Variants in TMEM80 observed in about 807,000 individuals in gnomAD.
The protein encoded by TMEM80 is transmembrane protein 80.
In TMEM80, 16 loss-of-function variants were observed where a neutral mutation model predicts 13.6. The observed-to-expected ratio is 1.17, with a 90% CI of 0.79 to 1.78. The LOEUF (loss-of-function observed/expected upper bound fraction) is 1.78. Ranked by LOEUF, TMEM80 falls within the 40% of genes most tolerant of loss-of-function variation. The pLI is 0.00. For synonymous variants in TMEM80, 92 were observed against 89.5 expected (o/e 1.03, Z -0.16); for missense variants, 167 against 184.6 (o/e 0.90, Z 0.55).
chr11:698,727 C>G, intron 1 of TMEM80, 142 bp from the exon 2 acceptor site: 572 of 937,266 alleles, frequency 6.1e-4, no homozygotes, highest in Admixed American at 2.5e-3. Flanking sequence ...TAGTGGCAGG[C>G]CCACGGTATA....
Position 703,877 on chromosome 11 carries a change from G to A in TMEM80, c.*727G>A. On this transcript the variant is annotated 3_prime_UTR_variant, in exon 5 of 5. Coordinates refer to ENST00000397510, the MANE Select transcript of TMEM80 (RefSeq NM_001042463.3). ...AGAGCAGCGGAGGGCCACATTCGGA[G>A]CCTCCGTCCACTCCAGTTTTATCAG... is the stretch of plus-strand genomic sequence containing the variant. 2 of 1,237,374 alleles carry A rather than the reference G, an allele frequency of 1.6e-6. No individual in the cohort carries two copies. Among genetic ancestry groups the A allele is most frequent in the African/African-American group, 1.5e-5 (1 of 64,574 alleles). 76.6% of individuals were successfully genotyped at this position (1,237,374 alleles called of 1,614,324 possible). A position where few individuals can be genotyped will look rare whatever the true frequency, so the allele number is the denominator to read the frequency against.
At position 704,064 on chromosome 11, in the gene TMEM80, C is replaced by T. The variant is rs1413348766; in HGVS notation, c.*914C>T. 4.4e-6 allele frequency: 5 copies of T among 1,138,206 alleles called. No homozygotes were observed. The highest frequency in any genetic ancestry group is 5.4e-6 in the Non-Finnish European group (5 of 926,098). 70.5% of individuals were successfully genotyped at this position (1,138,206 alleles called of 1,614,324 possible). A position where few individuals can be genotyped will look rare whatever the true frequency, so the allele number is the denominator to read the frequency against. ...TTTTCTATGTTTGGAATAATTACAC[C>T]CAAATATCTAGATATTTTCTCTTCA... On this transcript the variant is annotated 3_prime_UTR_variant, in exon 5 of 5. Coordinates refer to ENST00000397510, the MANE Select transcript of TMEM80 (RefSeq NM_001042463.3).
chr11:700,539 AAG>A (rs1861402754), intron 3 of TMEM80, 74 bp from the exon 4 acceptor site: 1 of 1,226,412 alleles, frequency 8.2e-7, no homozygotes, highest in Non-Finnish European at 1.2e-6. Context: ...AAAAAAAAAA[AAG>A]GAAAAGGCAA....
Position 703,225 on chromosome 11 carries a change from A to G in TMEM80, c.*75A>G. The G allele has an allele frequency of 1.3e-6, 2 of 1,488,206 alleles. No homozygotes were observed. The highest frequency in any genetic ancestry group is 1.8e-6 in the Non-Finnish European group (2 of 1,112,216). 92.2% of individuals were successfully genotyped at this position (1,488,206 alleles called of 1,614,324 possible). A position where few individuals can be genotyped will look rare whatever the true frequency, so the allele number is the denominator to read the frequency against. Reference sequence around the variant, plus strand: ...CCAGTCCCCCAGCTGTCACCTCCCCATTCCTGGACAGGAAGGGCACTTTTC... The same window carrying G: ...CCAGTCCCCCAGCTGTCACCTCCCCGTTCCTGGACAGGAAGGGCACTTTTC... On this transcript the variant is annotated 3_prime_UTR_variant, in exon 5 of 5. Coordinates refer to ENST00000397510, the MANE Select transcript of TMEM80 (RefSeq NM_001042463.3).
intron 4 of TMEM80, among the ~76,000 whole-genome samples, chr11:701,765 A>G (rs1292498953): frequency 6.6e-6 from 1 of 152,156 alleles, no homozygotes; most frequent in Non-Finnish European, 1.5e-5. Context: ...GGCTCAAGCA[A>G]TCTGCCCACC....
Position 703,821 on chromosome 11 carries a change from G to A in TMEM80, c.*671G>A, listed in dbSNP as rs1590040576. On this transcript the variant is annotated 3_prime_UTR_variant, in exon 5 of 5. Transcript: ENST00000397510. ...TCAGGGGCTTCGGAGGAGAGGTCAGGGCTAAGGCCGGGGATGAGACTGCAG... is the reference window on the plus strand; with the variant it reads ...TCAGGGGCTTCGGAGGAGAGGTCAGAGCTAAGGCCGGGGATGAGACTGCAG... 9.7e-6 allele frequency: 12 copies of A among 1,234,502 alleles called. No individual in the cohort carries two copies. Among genetic ancestry groups the A allele is most frequent in the Non-Finnish European group, 1.2e-5 (12 of 990,002 alleles). 76.5% of individuals were successfully genotyped at this position (1,234,502 alleles called of 1,614,324 possible). A position where few individuals can be genotyped will look rare whatever the true frequency, so the allele number is the denominator to read the frequency against.
intron 1 of TMEM80, among the ~76,000 whole-genome samples, chr11:698,459 A>C (rs1473098221): frequency 6.6e-6 from 1 of 152,228 alleles, no homozygotes; most frequent in Non-Finnish European, 1.5e-5. Flanking sequence ...ATTTGTTACA[A>C]CCTAAGTCAG....
At position 700,609 on chromosome 11, in the gene TMEM80, C is replaced by T; in HGVS notation, c.134-6C>T. ...CTTATGTTCCGTCCGCGCCTCTGCT[C>T]TTCAGGTCAGGTGTTCAGCTATCCT... On this transcript the variant is annotated splice_polypyrimidine_tract_variant and splice_region_variant and intron_variant, in intron 3 of 4. Coordinates refer to ENST00000397510, the MANE Select transcript of TMEM80 (RefSeq NM_001042463.3). 1 of 1,613,528 alleles carries T rather than the reference C, an allele frequency of 6.2e-7. No homozygotes were observed. The highest frequency in any genetic ancestry group is 8.5e-7 in the Non-Finnish European group (1 of 1,179,662).
In TMEM80 at chr11:695,865, G is replaced by A; in HGVS notation, c.19+19G>A. On this transcript the variant is annotated intron_variant, in intron 1 of 4. Transcript: ENST00000397510. ...CGGCGAGGTGAGCTCGGGCGGGGTGGGGGCTTCCGGGCTTGCAGCGGCGGG... is the reference window on the plus strand; with the variant it reads ...CGGCGAGGTGAGCTCGGGCGGGGTGAGGGCTTCCGGGCTTGCAGCGGCGGG... 8.1e-7 allele frequency: 1 copy of A among 1,227,068 alleles called. No individual in the cohort carries two copies. The highest frequency in any genetic ancestry group is 1.0e-6 in the Non-Finnish European group (1 of 983,792). 76.0% of individuals were successfully genotyped at this position (1,227,068 alleles called of 1,614,324 possible).
chr11:695,705 G>A, upstream of TMEM80: 2 of 1,241,666 alleles, frequency 1.6e-6, no homozygotes, highest in Non-Finnish European at 2.0e-6. Flanking sequence ...TCGGACGTCC[G>A]CTCCCGAAAC....
At position 695,843 on chromosome 11, in the gene TMEM80, C is replaced by A. The variant is rs1590030077; in HGVS notation, c.16C>A (p.Arg6=). MAAPR[R]GRGSSTVLSS... is the part of the protein sequence containing the mutation. ...GGCGGGTAAGATGGCGGCCCCGCGG[C>A]GAGGTGAGCTCGGGCGGGGTGGGGG... Residue 6 remains arginine, a synonymous_variant, in exon 1 of 5, where the codon CGA becomes AGA. Coordinates refer to ENST00000397510, the MANE Select transcript of TMEM80 (RefSeq NM_001042463.3). The A allele has an allele frequency of 1.6e-6, 2 of 1,229,394 alleles. No individual in the cohort carries two copies. The highest frequency in any genetic ancestry group is 3.1e-5 in the African/African-American group (2 of 64,204). The allele number at this position is 1,229,394 out of a possible 1,614,324, so 76.2% of individuals were successfully genotyped here. A position where few individuals can be genotyped will look rare whatever the true frequency, so the allele number is the denominator to read the frequency against.
chr11:698,826 C>T (rs778343853), intron 1 of TMEM80, 43 bp from the exon 2 acceptor site: 2 of 1,613,634 alleles, frequency 1.2e-6, no homozygotes, highest in East Asian at 2.2e-5. Context: ...GGAAAGCATC[C>T]TGGTGGCTGT....
chr11:703,286 A>T lies in TMEM80; in HGVS notation c.*136A>T. 1.4e-6 allele frequency: 2 copies of T among 1,438,380 alleles called. No individual in the cohort carries two copies. The highest frequency in any genetic ancestry group is 9.2e-7 in the Non-Finnish European group (1 of 1,091,312). The allele number at this position is 1,438,380 out of a possible 1,614,324, so 89.1% of individuals were successfully genotyped here. On this transcript the variant is annotated 3_prime_UTR_variant, in exon 5 of 5. Transcript: ENST00000397510. The stretch of plus-strand genomic sequence containing the variant: ...GCCATAGATGGTTTTGGATGGTTCC[A>T]TCTGTTCTGGCAGGAGTGGGAGCAG...
At chr11:702,552 CCTTGGACCAGAGAAAAATA>C (rs1317763408) in intron 4 of TMEM80, among the ~76,000 whole-genome samples, 1 of 152,240 alleles carries the variant, frequency 6.6e-6, no homozygotes, top group Non-Finnish European at 1.5e-5. Flanking sequence ...CCAGAACTGG[CCTTGGACCAGAGAAAAATA>C]CTTTGGGAAT....
intron 4 of TMEM80, among the ~76,000 whole-genome samples, chr11:701,738 T>C (rs888045108): frequency 2.0e-5 from 3 of 152,146 alleles, no homozygotes; most frequent in Admixed American, 2.0e-4. Flanking sequence ...GTTACCCTGG[T>C]TGGTCTTGAA....
chr11:700,825 G>T (rs376088748), intron 4 of TMEM80, 118 bp downstream of exon 4: 1 of 969,698 alleles, frequency 1.0e-6, no homozygotes, highest in Non-Finnish European at 1.7e-6. Context: ...TATCCAAACT[G>T]CTTACCCAGT....
In TMEM80 at chr11:704,008, T is replaced by C; in HGVS notation, c.*858T>C. The C allele has an allele frequency of 1.7e-6, 2 of 1,209,104 alleles. No homozygotes were observed. Among genetic ancestry groups the C allele is most frequent in the Non-Finnish European group, 2.1e-6 (2 of 972,658 alleles). The allele number at this position is 1,209,104 out of a possible 1,614,324, so 74.9% of individuals were successfully genotyped here. ...TTAAAAAGTATCTAAGCTGTTACAG[T>C]AGCTTTCCCTTCACTTGATTCTATT... On this transcript the variant is annotated 3_prime_UTR_variant, in exon 5 of 5. Coordinates refer to ENST00000397510, the MANE Select transcript of TMEM80 (RefSeq NM_001042463.3).
In TMEM80 at chr11:703,978, TCTC is replaced by T. The variant is rs1464991874; in HGVS notation, c.*831_*833del. The stretch of plus-strand genomic sequence containing the variant: ...TCCCATTCCCAGATTTACTATCAGT[TCTC>T]CTTAAAAAGTATCTAAGCTGTTACA... On this transcript the variant is annotated 3_prime_UTR_variant, in exon 5 of 5. Transcript: ENST00000397510. The T allele has an allele frequency of 7.3e-6, 9 of 1,229,050 alleles. No individual in the cohort carries two copies. The highest frequency in any genetic ancestry group is 1.0e-6 in the Non-Finnish European group (1 of 986,028). 76.1% of individuals were successfully genotyped at this position (1,229,050 alleles called of 1,614,324 possible). A position where few individuals can be genotyped will look rare whatever the true frequency, so the allele number is the denominator to read the frequency against.
intron 2 of TMEM80, chr11:699,592 C>CA (rs1861350414): frequency 6.5e-6 from 1 of 154,156 alleles, no homozygotes; most frequent in African/African-American, 2.4e-5. Flanking sequence ...ACTAAAAATA[C>CA]AAAAAATTAG....
Sources: gnomAD v4.1 joint callset for allele counts (sites outside exome capture counted in the v4.1 genomes callset) on GRCh38, gnomAD v4.1.1 for gene constraint, MANE v1.5 for transcripts, NCBI Gene and HGNC (gene_info 2026-07-23, HGNC 2026-07-21) for gene names.